Variants in TMEM132B observed in about 807,000 individuals in gnomAD.
TMEM132B encodes the protein transmembrane protein 132B.
TMEM132B carries 18 observed loss-of-function variants against 90.8 expected under a neutral mutation model. That is an observed-to-expected ratio of 0.20 (90% confidence interval 0.14 to 0.29). The LOEUF (loss-of-function observed/expected upper bound fraction) is 0.29, where lower values mean the gene tolerates loss of function less well. Ranked by LOEUF, TMEM132B falls within the 10% of genes least tolerant of loss-of-function variation. The pLI is 1.00. For missense variants in TMEM132B, 1,096 were observed against 1,326.8 expected (o/e 0.83, Z 2.70); for synonymous variants, 504 against 523.3 (o/e 0.96, Z 0.50).
At chr12:125,525,216 A>G (rs1392205545) in intron 4 of TMEM132B, among the ~76,000 whole-genome samples, 2 of 152,186 alleles carry the variant, frequency 1.3e-5, no homozygotes, top group Admixed American at 1.3e-4. Flanking sequence ...GGTTTGGATC[A>G]TTTATTACGG....
chr12:125,658,909 C>T lies in TMEM132B; in HGVS notation c.*4199C>T, dbSNP rs568183685. On this transcript the variant is annotated 3_prime_UTR_variant, in exon 9 of 9. Transcript: ENST00000682704. ...AACATTTTCATCTTATTCTTCTTGA[C>T]TTTTGGATTTTTTTCTTTTCTTTTT... is the stretch of plus-strand genomic sequence containing the variant. 6.6e-6 allele frequency: 1 copy of T among 152,114 alleles called. No homozygotes were observed. The highest frequency in any genetic ancestry group is 6.5e-5 in the Admixed American group (1 of 15,270). 9.4% of individuals were successfully genotyped at this position (152,114 alleles called of 1,614,324 possible). A position where few individuals can be genotyped will look rare whatever the true frequency, so the allele number is the denominator to read the frequency against.
Position 125,288,519 on chromosome 12 carries a change from A to G in TMEM132B, c.68-60933A>G, listed in dbSNP as rs940820795. Among the ~76,000 whole-genome samples the G allele has an allele frequency of 4.7e-5, 7 of 149,376 alleles. No individual in the cohort carries two copies. In the South Asian group the frequency reaches 1.3e-3, roughly 27 times the overall value. ...TTGCAGCAGGGATGGTGCATCACTTATTCACTTATTTTTGTAACTCATCTC... is the reference window on the plus strand; with the variant it reads ...TTGCAGCAGGGATGGTGCATCACTTGTTCACTTATTTTTGTAACTCATCTC... On this transcript the variant is annotated intron_variant, in intron 1 of 8. Transcript: ENST00000682704.
chr12:125,356,459 G>T (rs1877776934), intron 2 of TMEM132B, among the ~76,000 whole-genome samples: 1 of 152,144 alleles, frequency 6.6e-6, no homozygotes, highest in Non-Finnish European at 1.5e-5. Context: ...GGGTGTTCAG[G>T]CCAAACACCC....
chr12:125,343,861 AGTGATAGT>A (rs1256473704), intron 1 of TMEM132B, among the ~76,000 whole-genome samples: 1 of 152,186 alleles, frequency 6.6e-6, no homozygotes, highest in African/African-American at 2.4e-5. Flanking sequence ...AAATGAATGG[AGTGATAGT>A]GTGATGGGCA....
In TMEM132B at chr12:125,251,949, T is replaced by G. The variant is rs1483805454; in HGVS notation, c.67+65083T>G. Among the ~76,000 whole-genome samples, 3 of 152,212 alleles carry G rather than the reference T, an allele frequency of 2.0e-5. No individual in the cohort carries two copies. Among genetic ancestry groups the G allele is most frequent in the Non-Finnish European group, 2.9e-5 (2 of 68,040 alleles). ...AAGGCCTTTATGCATGATCTGAAGT[T>G]ATCTAGAATTTGGGAGCTGGAAGGA... On this transcript the variant is annotated intron_variant, in intron 1 of 8. Coordinates refer to ENST00000682704, the MANE Select transcript of TMEM132B (RefSeq NM_001366854.1). The surrounding 1 kb of genome is among the most constrained non-coding windows in gnomAD (Gnocchi z 4.4).
chr12:125,612,774 T>G (rs900780146), intron 5 of TMEM132B, among the ~76,000 whole-genome samples: 15 of 136,244 alleles, frequency 1.1e-4, no homozygotes, highest in African/African-American at 4.0e-4. Flanking sequence ...TCAATCTAAT[T>G]TATCTTTAAA....
chr12:125,205,569 A>G (rs544567765), intron 1 of TMEM132B, among the ~76,000 whole-genome samples: 2 of 152,216 alleles, frequency 1.3e-5, no homozygotes, highest in Non-Finnish European at 2.9e-5. Context: ...AACCCTGTAG[A>G]CAAGGAGCCT....
intron 4 of TMEM132B, among the ~76,000 whole-genome samples, chr12:125,558,257 A>G (rs1884440738): frequency 6.6e-6 from 1 of 152,146 alleles, no homozygotes; most frequent in Admixed American, 6.5e-5. Flanking sequence ...TGCCATCTGT[A>G]ACTCAGTGGC....
Position 125,186,708 on chromosome 12 carries a change from C to A in TMEM132B, c.-92C>A, listed in dbSNP as rs1370330605. On this transcript the variant is annotated 5_prime_UTR_variant, in exon 1 of 9. Coordinates refer to ENST00000682704, the MANE Select transcript of TMEM132B (RefSeq NM_001366854.1). This position sits in a 1 kb window ranked among gnomAD's most constrained non-coding sequence, Gnocchi z 6.3. The stretch of plus-strand genomic sequence containing the variant: ...GAGCGAGCCATGCCCGGCGCCCGGG[C>A]GTAGCCGCCGGGGGCTGCTCCGGGA... 160 of 146,514 alleles carry A rather than the reference C, an allele frequency of 1.1e-3. No homozygotes were observed. Among genetic ancestry groups the A allele is most frequent in the African/African-American group, 3.7e-3 (153 of 40,946 alleles). 9.1% of individuals were successfully genotyped at this position (146,514 alleles called of 1,614,324 possible). A position where few individuals can be genotyped will look rare whatever the true frequency, so the allele number is the denominator to read the frequency against.
intron 3 of TMEM132B, among the ~76,000 whole-genome samples, chr12:125,469,156 A>G (rs1384033848): frequency 6.6e-6 from 1 of 152,164 alleles, no homozygotes; most frequent in Admixed American, 6.5e-5. Context: ...ACCTTGTTCC[A>G]GATCTTGGAG....
intron 3 of TMEM132B, among the ~76,000 whole-genome samples, chr12:125,454,119 A>T (rs547616368): frequency 2.6e-5 from 4 of 152,296 alleles, no homozygotes; most frequent in African/African-American, 7.2e-5. Context: ...ACCTATGTAG[A>T]TGATGCCCTG....
intron 4 of TMEM132B, among the ~76,000 whole-genome samples, chr12:125,561,733 C>A (rs1884538436): frequency 6.6e-6 from 1 of 150,988 alleles, no homozygotes; most frequent in African/African-American, 2.4e-5. Flanking sequence ...AACAGTAGGT[C>A]TCAACTATGT....
At chr12:125,451,450 C>G (rs1213516386) in intron 3 of TMEM132B, among the ~76,000 whole-genome samples, 2 of 152,052 alleles carry the variant, frequency 1.3e-5, no homozygotes, top group Admixed American at 1.3e-4. Flanking sequence ...AAGAAAACAA[C>G]AATGAAAATG....
rs1355399796 is a variant in TMEM132B, at chr12:125,646,687, C to G, written c.1643+2406C>G. Among the ~76,000 whole-genome samples, 5 of 152,274 alleles carry G rather than the reference C, an allele frequency of 3.3e-5. No individual in the cohort carries two copies. The South Asian group carries it at 8.3e-4, about 25-fold the overall frequency. ...AAATTTTCATTAGAACTTAAGTGCA[C>G]AAAAGTAGGCTAGGACATATGCACT... is the stretch of plus-strand genomic sequence containing the variant. On this transcript the variant is annotated intron_variant, in intron 6 of 8. Coordinates refer to ENST00000682704, the MANE Select transcript of TMEM132B (RefSeq NM_001366854.1).
At chr12:125,608,336 T>G (rs1248976334) in intron 5 of TMEM132B, among the ~76,000 whole-genome samples, 1 of 152,192 alleles carries the variant, frequency 6.6e-6, no homozygotes, top group Non-Finnish European at 1.5e-5. Context: ...TAATGGCTAA[T>G]GATATTAAGC....
At chr12:125,444,867 A>G (rs1880961302) in intron 3 of TMEM132B, among the ~76,000 whole-genome samples, 1 of 151,734 alleles carries the variant, frequency 6.6e-6, no homozygotes, top group Non-Finnish European at 1.5e-5. Flanking sequence ...CCTTCTCCAG[A>G]AGAAATTCTA....
intron 1 of TMEM132B, among the ~76,000 whole-genome samples, chr12:125,250,804 A>G (rs1874300679): frequency 6.6e-6 from 1 of 152,140 alleles, no homozygotes. Context: ...TATCCCATCC[A>G]CACTCAGGAG....
At chr12:125,351,921 A>G (rs1877598709) in intron 2 of TMEM132B, among the ~76,000 whole-genome samples, 1 of 152,244 alleles carries the variant, frequency 6.6e-6, no homozygotes, top group African/African-American at 2.4e-5. Context: ...AGAAGCAAAT[A>G]GGAAGCCAAT....
intron 5 of TMEM132B, chr12:125,622,403 T>G (rs1886131305): frequency 1.1e-6 from 1 of 894,052 alleles, no homozygotes; most frequent in Non-Finnish European, 1.3e-6. Context: ...AGAATCACAA[T>G]AAGTCACCAT....
Sources: gnomAD v4.1 joint callset for allele counts (sites outside exome capture counted in the v4.1 genomes callset) on GRCh38, gnomAD v4.1.1 for gene constraint, Gnocchi (gnomAD v3.1) non-coding constraint, MANE v1.5 for transcripts, NCBI Gene and HGNC (gene_info 2026-07-23, HGNC 2026-07-21) for gene names.